The following EIPR1 variants were observed in gnomAD, a reference collection of about 807,000 sequenced individuals.
The protein encoded by EIPR1 is EARP complex and GARP complex interacting protein 1, also known as EARP and GARP complex-interacting protein 1.
A neutral mutation model predicts 48.1 loss-of-function variants in EIPR1; 25 were observed. The observed-to-expected ratio is 0.52, with a 90% CI of 0.38 to 0.73. The LOEUF is 0.73. Ranked by LOEUF, EIPR1 falls within the 30% of genes least tolerant of loss-of-function variation. The pLI is 0.00. For missense variants in EIPR1, 415 were observed against 506.2 expected, an observed-to-expected ratio of 0.82 and a Z score of 1.73; for synonymous variants, 204 against 201.9, an observed-to-expected ratio of 1.01 and a Z score of -0.09.
rs568134635 is a variant in EIPR1, at chr2:3,255,260, G to A, written c.416+2039C>T. The stretch of plus-strand genomic sequence containing the variant: ...TGCAGTAGCCTGATCTCAGCTCACT[G>A]CAACCTCCGCCTCCCAGATTCAAGT... On this transcript the variant is annotated intron_variant, in intron 4 of 8. Coordinates refer to ENST00000382125, the MANE Select transcript of EIPR1 (RefSeq NM_003310.5). 4.0e-5 allele frequency among the ~76,000 whole-genome samples: 6 copies of A among 151,168 alleles called. No individual in the cohort carries two copies. In the East Asian group the frequency reaches 9.7e-4, roughly 25 times the overall value.
intron 4 of EIPR1, among the ~76,000 whole-genome samples, chr2:3,228,578 G>C (rs1343023479): frequency 6.6e-6 from 1 of 152,204 alleles, no homozygotes; most frequent in Non-Finnish European, 1.5e-5. Context: ...TTTGAAATGT[G>C]AGGACGTAAG....
At chr2:3,350,279 C>T (rs1234274886) in intron 2 of EIPR1, among the ~76,000 whole-genome samples, 1 of 152,102 alleles carries the variant, frequency 6.6e-6, no homozygotes, top group African/African-American at 2.4e-5. Context: ...GAAGCAGGCA[C>T]ATCTTCACAT....
chr2:3,288,822 G>A (rs1668283917), intron 3 of EIPR1, among the ~76,000 whole-genome samples: 3 of 152,330 alleles, frequency 2.0e-5, no homozygotes, highest in Admixed American at 2.0e-4. Flanking sequence ...GTGGGAGTGG[G>A]GATGAAACCA....
intron 7 of EIPR1, among the ~76,000 whole-genome samples, chr2:3,193,434 T>C (rs1484763662): frequency 1.3e-5 from 2 of 152,248 alleles, no homozygotes; most frequent in African/African-American, 2.4e-5. Flanking sequence ...CACCCGTGTG[T>C]GCACACACGT....
intron 3 of EIPR1, among the ~76,000 whole-genome samples, chr2:3,277,014 A>C (rs945771813): frequency 6.6e-6 from 1 of 152,180 alleles, no homozygotes; most frequent in Non-Finnish European, 1.5e-5. Flanking sequence ...GTAATCCAAT[A>C]CTCTAATTAA....
Position 3,189,334 on chromosome 2 carries a change from T to G in EIPR1, c.1164A>C (p.Ter388CysextTer80). 6.3e-7 allele frequency: 1 copy of G among 1,576,112 alleles called. No individual in the cohort carries two copies. The highest frequency in any genetic ancestry group is 8.7e-7 in the Non-Finnish European group (1 of 1,153,404). The change falls in exon 9 of 9, where the codon TGA (stop) becomes TGC (cysteine). Residue 388 changes from the stop codon to cysteine (C), a stop_lost. Transcript: ENST00000382125. The surrounding 1 kb of genome is among the most constrained non-coding windows in gnomAD (Gnocchi z 4.6). ...PRALKYHILL[*>C] Reference sequence around the variant, plus strand: ...GACCTGGATAACCCAGGCCCGGGAGTCATAGCAGGATGTGGTACTTCAGGG... The same window carrying G: ...GACCTGGATAACCCAGGCCCGGGAGGCATAGCAGGATGTGGTACTTCAGGG...
At chr2:3,260,541 A>AGGGAG (rs1667302869) in intron 3 of EIPR1, among the ~76,000 whole-genome samples, 1 of 137,098 alleles carries the variant, frequency 7.3e-6, no homozygotes, top group Admixed American at 7.3e-5. Context: ...GAGGGAGGGA[A>AGGGAG]GGAGGGAAGG....
intron 1 of EIPR1, among the ~76,000 whole-genome samples, chr2:3,364,562 G>A (rs1471665897): frequency 1.3e-5 from 2 of 151,862 alleles, no homozygotes; most frequent in Non-Finnish European, 2.9e-5. Context: ...TTGAGCCTGG[G>A]AGGCAGAGGG....
rs1670257506 is a variant in EIPR1 at position 3,341,735 on chromosome 2, G to A, written c.127-3586C>T. ...GGGTGCATCATGGGTATGGGTGTGT[G>A]GGGGGTACGTGGGCGTGGGGAACCA... On this transcript the variant is annotated intron_variant, in intron 2 of 8. Coordinates refer to ENST00000382125, the MANE Select transcript of EIPR1 (RefSeq NM_003310.5). Among the ~76,000 whole-genome samples the A allele has an allele frequency of 2.0e-5, 3 of 151,950 alleles. No homozygotes were observed. The South Asian group carries it at 6.2e-4, about 31-fold the overall frequency.
chr2:3,189,574 G>T lies in EIPR1; in HGVS notation c.990-66C>A. The T allele has an allele frequency of 2.1e-6, 3 of 1,430,172 alleles. No homozygotes were observed. Among genetic ancestry groups the T allele is most frequent in the East Asian group, 2.5e-5 (1 of 39,292 alleles). The allele number at this position is 1,430,172 out of a possible 1,614,324, so 88.6% of individuals were successfully genotyped here. On this transcript the variant is annotated intron_variant, in intron 8 of 8. Transcript: ENST00000382125. This position sits in a 1 kb window ranked among gnomAD's most constrained non-coding sequence, Gnocchi z 4.6. ...GCGGGGCGGGCAGGAGAGGGGCAGG[G>T]AGGACGCGAGCGCTGACATCGGGAG...
chr2:3,259,395 G>A (rs1365840449), intron 3 of EIPR1, among the ~76,000 whole-genome samples: 3 of 152,108 alleles, frequency 2.0e-5, no homozygotes, highest in South Asian at 2.1e-4. Context: ...CTATATCCAC[G>A]TTGCCCTCAA....
intron 1 of EIPR1, among the ~76,000 whole-genome samples, chr2:3,372,429 T>C (rs1310249646): frequency 6.6e-6 from 1 of 150,578 alleles, no homozygotes; most frequent in African/African-American, 2.4e-5. Flanking sequence ...TTCAAAAAAT[T>C]AATGAATCCA....
intron 4 of EIPR1, among the ~76,000 whole-genome samples, chr2:3,244,782 GT>G (rs1666744762): frequency 6.6e-6 from 1 of 152,218 alleles, no homozygotes; most frequent in South Asian, 2.1e-4. Context: ...TTATGGGATT[GT>G]GCTAAAGCAG....
chr2:3,211,664 C>T (rs934726512), intron 5 of EIPR1, among the ~76,000 whole-genome samples: 17 of 152,344 alleles, frequency 1.1e-4, no homozygotes, highest in Middle Eastern at 6.8e-3. Flanking sequence ...CAAAGAGGTA[C>T]TGTGTGTGTC....
chr2:3,265,188 T>TAG (rs1667449938), intron 3 of EIPR1, among the ~76,000 whole-genome samples: 1 of 45,758 alleles, frequency 2.2e-5, no homozygotes, highest in Non-Finnish European at 4.2e-5. Context: ...ACCAGAACAT[T>TAG]AGAGGGGTGT....
At chr2:3,304,875 C>T (rs1259847615) in intron 3 of EIPR1, among the ~76,000 whole-genome samples, 10 of 149,526 alleles carry the variant, frequency 6.7e-5, no homozygotes, top group Non-Finnish European at 1.5e-4. Flanking sequence ...TCCAGTTCAG[C>T]CCTCCATTCC....
In EIPR1 at chr2:3,237,938, C is replaced by T. The variant is rs113613293; in HGVS notation, c.416+19361G>A. ...AGGCTGAACGTGGTGCTGCCCTCCA[C>T]GGGGATTTGAGAAATCCAAGGGGTG... On this transcript the variant is annotated intron_variant, in intron 4 of 8. Coordinates refer to ENST00000382125, the MANE Select transcript of EIPR1 (RefSeq NM_003310.5). Among the ~76,000 whole-genome samples the T allele has an allele frequency of 3.9e-5, 6 of 152,286 alleles. 1 individual carries two copies. The highest frequency in any genetic ancestry group is 2.1e-4 in the South Asian group (1 of 4,812).
intron 4 of EIPR1, among the ~76,000 whole-genome samples, chr2:3,249,918 A>T (rs1375769290): frequency 1.3e-5 from 2 of 152,206 alleles, no homozygotes; most frequent in Non-Finnish European, 2.9e-5. Flanking sequence ...GGTACATAGA[A>T]TGCAGGAGTG....
chr2:3,222,235 G>T (rs2103150480), intron 4 of EIPR1, among the ~76,000 whole-genome samples: 1 of 152,348 alleles, frequency 6.6e-6, no homozygotes, highest in East Asian at 1.9e-4. Flanking sequence ...TGCTCCAGGT[G>T]TGGAATAAAA....
Sources: gnomAD v4.1 joint callset for allele counts (sites outside exome capture counted in the v4.1 genomes callset) on GRCh38, gnomAD v4.1.1 for gene constraint, Gnocchi (gnomAD v3.1) non-coding constraint, MANE v1.5 for transcripts, NCBI Gene and HGNC (gene_info 2026-07-23, HGNC 2026-07-21) for gene names.